The following ZBTB42 variants were observed in gnomAD, a reference collection of about 807,000 sequenced individuals.
ZBTB42 encodes zinc finger and BTB domain containing 42.
ZBTB42 carries 3 observed loss-of-function variants against 4.7 expected under a neutral mutation model. The ratio of observed to expected loss-of-function variants is 0.64; its 90% CI spans 0.29 to 1.66. The LOEUF is 1.66. Ranked by LOEUF, ZBTB42 falls within the 40% of genes most tolerant of loss-of-function variation. ZBTB42 has a pLI of 0.10. For missense variants in ZBTB42, 521 were observed against 577.1 expected (o/e 0.90, Z 1.00); for synonymous variants, 255 against 259.5 (o/e 0.98, Z 0.17).
In ZBTB42 at chr14:104,802,209, C is replaced by T; in HGVS notation, c.1012C>T (p.Leu338Phe). Reference protein sequence around the residue: ...SPDGVAPTCPLCGKTFSCTYT... With the variant: ...SPDGVAPTCPFCGKTFSCTYT... ...CGACGGCGTGGCACCCACCTGCCCGCTCTGTGGGAAGACCTTCTCGTGCAC... is the reference window on the plus strand; with the variant it reads ...CGACGGCGTGGCACCCACCTGCCCGTTCTGTGGGAAGACCTTCTCGTGCAC... Residue 338 changes from leucine (L) to phenylalanine (F), a missense_variant, in exon 1 of 1, where the codon CTC becomes TTC. Physicochemically the swap from Leu to Phe is conservative, Grantham distance 22. Transcript: ENST00000342537. This position sits in a 1 kb window ranked among gnomAD's most constrained non-coding sequence, Gnocchi z 5.9. 6.5e-7 allele frequency: 1 copy of T among 1,550,198 alleles called. No homozygotes were observed. The highest frequency in any genetic ancestry group is 8.7e-7 in the Non-Finnish European group (1 of 1,146,950).
upstream of ZBTB42, chr14:104,801,084 G>T (rs1228278523): frequency 7.5e-7 from 1 of 1,328,376 alleles, no homozygotes; most frequent in African/African-American, 1.6e-5. The surrounding 1 kb of genome is among the most constrained non-coding windows in gnomAD (Gnocchi z 4.4). Flanking sequence ...GGTTGCGCGC[G>T]TCACTCCCGC....
chr14:104,802,100 G>C lies in ZBTB42; in HGVS notation c.903G>C (p.Lys301Asn), dbSNP rs1555386239. 1 of 1,523,568 alleles carries C rather than the reference G, an allele frequency of 6.6e-7. No individual in the cohort carries two copies. Among genetic ancestry groups the C allele is most frequent in the Non-Finnish European group, 8.8e-7 (1 of 1,135,540 alleles). 94.4% of individuals were successfully genotyped at this position (1,523,568 alleles called of 1,614,324 possible). The change falls in exon 1 of 1, where the codon AAG (lysine) becomes AAC (asparagine). Residue 301 changes from lysine (K) to asparagine (N), a missense_variant. Lys to Asn is a moderately conservative substitution (Grantham distance 94, BLOSUM62 0). Coordinates refer to ENST00000342537, the MANE Select transcript of ZBTB42 (RefSeq NM_001137601.3). The surrounding 1 kb of genome is among the most constrained non-coding windows in gnomAD (Gnocchi z 5.9). The stretch of plus-strand genomic sequence containing the variant: ...TCTGCATCTGCCCGTTGTGCAGCAA[G>C]CTGTTTCCCAGCTCCCACGTGCTGC... ...GPLCICPLCSKLFPSSHVLQL... is the reference protein window; with the variant it reads ...GPLCICPLCSNLFPSSHVLQL...
rs1490949436 is a variant in ZBTB42 at position 104,804,173 on chromosome 14, G to GTGTGTA, written c.*1708_*1709insGTGTAT. 2 of 166,758 alleles carry GTGTGTA rather than the reference G, an allele frequency of 1.2e-5. No individual in the cohort carries two copies. The highest frequency in any genetic ancestry group is 2.1e-4 in the South Asian group (1 of 4,814). 10.3% of individuals were successfully genotyped at this position (166,758 alleles called of 1,614,324 possible). A position where few individuals can be genotyped will look rare whatever the true frequency, so the allele number is the denominator to read the frequency against. On this transcript the variant is annotated 3_prime_UTR_variant, in exon 1 of 1. Transcript: ENST00000342537. ...GGTGTGTGTGTGTGTGTGTGTGTGT[G>GTGTGTA]TATGTATGCATGCGTCTGGCACATG...
Position 104,801,347 on chromosome 14 carries a change from T to C in ZBTB42, c.150T>C (p.His50=). ...AVLAACSVYF[H]LFYRDRPAGS... Reference sequence around the variant, plus strand: ...TGGCCGCGTGCAGCGTCTACTTCCATCTCTTCTACAGGGACCGGCCCGCGG... The same window carrying C: ...TGGCCGCGTGCAGCGTCTACTTCCACCTCTTCTACAGGGACCGGCCCGCGG... Residue 50 remains histidine (H), a synonymous_variant, in exon 1 of 1, where the codon CAT becomes CAC. Coordinates refer to ENST00000342537, the MANE Select transcript of ZBTB42 (RefSeq NM_001137601.3). This position sits in a 1 kb window ranked among gnomAD's most constrained non-coding sequence, Gnocchi z 4.4. 6.5e-7 allele frequency: 1 copy of C among 1,548,414 alleles called. No homozygotes were observed. Among genetic ancestry groups the C allele is most frequent in the South Asian group, 1.2e-5 (1 of 83,900 alleles).
chr14:104,800,711 G>A (rs904284550), upstream of ZBTB42: 3 of 146,328 alleles, frequency 2.1e-5, no homozygotes, highest in Non-Finnish European at 4.6e-5. The surrounding 1 kb of genome is among the most constrained non-coding windows in gnomAD (Gnocchi z 5.3). Flanking sequence ...GTGAGCGCTG[G>A]GGGTGGGCTC....
chr14:104,801,804 C>T lies in ZBTB42; in HGVS notation c.607C>T (p.Pro203Ser), dbSNP rs1301645028. 1 of 1,549,830 alleles carries T rather than the reference C, an allele frequency of 6.5e-7. No homozygotes were observed. Among genetic ancestry groups the T allele is most frequent in the Non-Finnish European group, 8.7e-7 (1 of 1,146,774 alleles). ...KSGPRQERVH[P>S]PCVLQTPLCS... The stretch of plus-strand genomic sequence containing the variant: ...TGGCCCAAGGCAGGAGCGGGTCCAC[C>T]CACCGTGCGTCCTCCAGACACCCCT... The change falls in exon 1 of 1, where the codon CCA (proline) becomes TCA (serine). Residue 203 changes from proline to serine, a missense_variant. Transcript: ENST00000342537. The surrounding 1 kb of genome is among the most constrained non-coding windows in gnomAD (Gnocchi z 4.4).
At position 104,801,856 on chromosome 14, in the gene ZBTB42, A is replaced by C. The variant is rs1388654878; in HGVS notation, c.659A>C (p.Gln220Pro). Residue 220 changes from glutamine (Q) to proline (P), a missense_variant, in exon 1 of 1, where the codon CAG becomes CCG. Transcript: ENST00000342537. This position sits in a 1 kb window ranked among gnomAD's most constrained non-coding sequence, Gnocchi z 4.4. The stretch of plus-strand genomic sequence containing the variant: ...TGCAGCCAGAGGCAGCCAGGGGCCC[A>C]GCCACTGGTGAAGGACGAACGGGAC... The part of the protein sequence containing the change: ...PLCSQRQPGA[Q>P]PLVKDERDSL... 1.9e-6 allele frequency: 3 copies of C among 1,549,910 alleles called. No individual in the cohort carries two copies. In the Admixed American group the frequency reaches 5.9e-5, roughly 30 times the overall value.
At position 104,802,009 on chromosome 14, in the gene ZBTB42, G is replaced by T. The variant is rs948815032; in HGVS notation, c.812G>T (p.Ser271Ile). 6.0e-6 allele frequency: 9 copies of T among 1,496,012 alleles called. No homozygotes were observed. In the Middle Eastern group the frequency reaches 5.2e-4, roughly 86 times the overall value. The allele number at this position is 1,496,012 out of a possible 1,614,324, so 92.7% of individuals were successfully genotyped here. Reference sequence around the variant, plus strand: ...CCGCTGCCCCTCAGCGGAGAGGGCAGCCGGGAGCTGGAGCTTGGTGCAGGG... The same window carrying T: ...CCGCTGCCCCTCAGCGGAGAGGGCATCCGGGAGCTGGAGCTTGGTGCAGGG... ...LQPLPLSGEG[S>I]RELELGAGRL... Residue 271 changes from serine (S) to isoleucine (I), a missense_variant, in exon 1 of 1, where the codon AGC (serine) becomes ATC (isoleucine). Physicochemically the swap from Ser to Ile is moderately radical, Grantham distance 142. Transcript: ENST00000342537. The surrounding 1 kb of genome is among the most constrained non-coding windows in gnomAD (Gnocchi z 5.9).
rs1894128182 is a variant in ZBTB42 at position 104,804,543 on chromosome 14, C to G, written c.*2077C>G. 1 of 166,918 alleles carries G rather than the reference C, an allele frequency of 6.0e-6. No individual in the cohort carries two copies. The highest frequency in any genetic ancestry group is 1.5e-5 in the Non-Finnish European group (1 of 68,142). The allele number at this position is 166,918 out of a possible 1,614,324, so 10.3% of individuals were successfully genotyped here. On this transcript the variant is annotated 3_prime_UTR_variant, in exon 1 of 1. Transcript: ENST00000342537. ...AACAGCGTCAGCAGCGTGGGGGTCT[C>G]CTGGGCCAGCTCGGCACCTGTGGGT...
In ZBTB42 at chr14:104,804,108, T is replaced by G. The variant is rs1177330667; in HGVS notation, c.*1642T>G. 1 of 166,672 alleles carries G rather than the reference T, an allele frequency of 6.0e-6. No homozygotes were observed. Among genetic ancestry groups the G allele is most frequent in the African/African-American group, 2.4e-5 (1 of 41,390 alleles). 10.3% of individuals were successfully genotyped at this position (166,672 alleles called of 1,614,324 possible). A position where few individuals can be genotyped will look rare whatever the true frequency, so the allele number is the denominator to read the frequency against. On this transcript the variant is annotated 3_prime_UTR_variant, in exon 1 of 1. Transcript: ENST00000342537. ...TGTCCTGGGCCCCAGCCCCCACCTC[T>G]GCAAGGGATCGGTGTGATGTGCTCC...
rs978402521 is a variant in ZBTB42 at position 104,802,443 on chromosome 14, C to T, written c.1246C>T (p.Leu416Phe). 6.4e-7 allele frequency: 1 copy of T among 1,550,794 alleles called. No individual in the cohort carries two copies. Among genetic ancestry groups the T allele is most frequent in the South Asian group, 1.2e-5 (1 of 84,056 alleles). Residue 416 changes from leucine (L) to phenylalanine (F), a missense_variant, in exon 1 of 1, where the codon CTC becomes TTC. Coordinates refer to ENST00000342537, the MANE Select transcript of ZBTB42 (RefSeq NM_001137601.3). This position sits in a 1 kb window ranked among gnomAD's most constrained non-coding sequence, Gnocchi z 5.9. ...YRHVRKFHCG[L>F]VKSLLV Reference sequence around the variant, plus strand: ...CCACGTCCGCAAGTTTCACTGTGGCCTCGTCAAGTCCCTTCTGGTGTGATG... The same window carrying T: ...CCACGTCCGCAAGTTTCACTGTGGCTTCGTCAAGTCCCTTCTGGTGTGATG...
chr14:104,802,752 T>G lies in ZBTB42; in HGVS notation c.*286T>G. ...GCTGTGACACTATCTTCCTCTCCCGTCCCCTCCAGCCAAGTTCTGAGGGGT... is the reference window on the plus strand; with the variant it reads ...GCTGTGACACTATCTTCCTCTCCCGGCCCCTCCAGCCAAGTTCTGAGGGGT... On this transcript the variant is annotated 3_prime_UTR_variant, in exon 1 of 1. Coordinates refer to ENST00000342537, the MANE Select transcript of ZBTB42 (RefSeq NM_001137601.3). The surrounding 1 kb of genome is among the most constrained non-coding windows in gnomAD (Gnocchi z 5.9). 3 of 501,102 alleles carry G rather than the reference T, an allele frequency of 6.0e-6. No homozygotes were observed. Among genetic ancestry groups the G allele is most frequent in the Non-Finnish European group, 1.1e-5 (3 of 271,808 alleles). 31.0% of individuals were successfully genotyped at this position (501,102 alleles called of 1,614,324 possible).
At position 104,802,749 on chromosome 14, in the gene ZBTB42, C is replaced by A; in HGVS notation, c.*283C>A. On this transcript the variant is annotated 3_prime_UTR_variant, in exon 1 of 1. Transcript: ENST00000342537. The surrounding 1 kb of genome is among the most constrained non-coding windows in gnomAD (Gnocchi z 5.9). ...TAGGCTGTGACACTATCTTCCTCTC[C>A]CGTCCCCTCCAGCCAAGTTCTGAGG... The A allele has an allele frequency of 1.9e-6, 1 of 519,438 alleles. No individual in the cohort carries two copies. The allele number at this position is 519,438 out of a possible 1,614,324, so 32.2% of individuals were successfully genotyped here.
rs747536271 is a variant in ZBTB42 at position 104,802,874 on chromosome 14, T to C, written c.*408T>C. ...TTCCTGACCACCTCTCTGGCAGGCT[T>C]GGGGAGGTCTTCATGAGCCTGGCCC... On this transcript the variant is annotated 3_prime_UTR_variant, in exon 1 of 1. Coordinates refer to ENST00000342537, the MANE Select transcript of ZBTB42 (RefSeq NM_001137601.3). The surrounding 1 kb of genome is among the most constrained non-coding windows in gnomAD (Gnocchi z 5.9). The C allele has an allele frequency of 2.7e-5, 7 of 264,020 alleles. No individual in the cohort carries two copies. The highest frequency in any genetic ancestry group is 4.5e-5 in the African/African-American group (2 of 44,330). 16.4% of individuals were successfully genotyped at this position (264,020 alleles called of 1,614,324 possible).
chr14:104,801,208 C>T lies in ZBTB42; in HGVS notation c.11C>T (p.Pro4Leu), dbSNP rs1894034458. The change falls in exon 1 of 1, where the codon CCT becomes CTT. Residue 4 changes from proline (P) to leucine (L), a missense_variant. Pro to Leu is a moderately conservative substitution (Grantham distance 98). Coordinates refer to ENST00000342537, the MANE Select transcript of ZBTB42 (RefSeq NM_001137601.3). This position sits in a 1 kb window ranked among gnomAD's most constrained non-coding sequence, Gnocchi z 4.4. MEF[P>L]EHGGRLLGRL... ...GATGACGGCGGCGGCATGGAGTTCC[C>T]TGAGCACGGCGGACGGCTGCTGGGC... is the stretch of plus-strand genomic sequence containing the variant. 7.0e-7 allele frequency: 1 copy of T among 1,436,944 alleles called. No individual in the cohort carries two copies. Among genetic ancestry groups the T allele is most frequent in the African/African-American group, 1.5e-5 (1 of 68,436 alleles). The allele number at this position is 1,436,944 out of a possible 1,614,324, so 89.0% of individuals were successfully genotyped here.
At position 104,804,148 on chromosome 14, in the gene ZBTB42, G is replaced by GT. The variant is rs1555386426; in HGVS notation, c.*1682_*1683insT. 98,991 of 160,612 alleles carry GT rather than the reference G, an allele frequency of 0.62. 31,021 individuals are homozygous for GT. The highest frequency in any genetic ancestry group is 0.77 in the Non-Finnish European group (51,457 of 67,018). The allele number at this position is 160,612 out of a possible 1,614,324, so 9.9% of individuals were successfully genotyped here. A position where few individuals can be genotyped will look rare whatever the true frequency, so the allele number is the denominator to read the frequency against. On this transcript the variant is annotated 3_prime_UTR_variant, in exon 1 of 1. Coordinates refer to ENST00000342537, the MANE Select transcript of ZBTB42 (RefSeq NM_001137601.3). ...TGATGTGCTCCATAATCGGGTGGGGGGTGTGTGTGTGTGTGTGTGTGTGTG... is the reference window on the plus strand; with the variant it reads ...TGATGTGCTCCATAATCGGGTGGGGGTGTGTGTGTGTGTGTGTGTGTGTGTG...
In ZBTB42 at chr14:104,801,796, G is replaced by A. The variant is rs372287529; in HGVS notation, c.599G>A (p.Arg200Gln). 1.2e-5 allele frequency: 18 copies of A among 1,549,644 alleles called. No homozygotes were observed. Among genetic ancestry groups the A allele is most frequent in the East Asian group, 2.4e-5 (1 of 40,910 alleles). The change falls in exon 1 of 1, where the codon CGG becomes CAG. Residue 200 changes from arginine (R) to glutamine (Q), a missense_variant. Physicochemically the swap from Arg to Gln is conservative, Grantham distance 43 (BLOSUM62 1). Transcript: ENST00000342537. This position sits in a 1 kb window ranked among gnomAD's most constrained non-coding sequence, Gnocchi z 4.4. ...LSLKSGPRQE[R>Q]VHPPCVLQTP... ...TTGAAGTCTGGCCCAAGGCAGGAGC[G>A]GGTCCACCCACCGTGCGTCCTCCAG...
Position 104,804,695 on chromosome 14 carries a change from GC to G in ZBTB42, c.*2232del. ...TTCACATCATGGCGACAGTAATAAAGCCCACCTCCAGTGGAAACGGCAGTGA... is the reference window on the plus strand; with the variant it reads ...TTCACATCATGGCGACAGTAATAAAGCCACCTCCAGTGGAAACGGCAGTGA... On this transcript the variant is annotated 3_prime_UTR_variant, in exon 1 of 1. Transcript: ENST00000342537. 6.0e-6 allele frequency: 1 copy of G among 165,816 alleles called. No homozygotes were observed. The allele number at this position is 165,816 out of a possible 1,614,324, so 10.3% of individuals were successfully genotyped here. A position where few individuals can be genotyped will look rare whatever the true frequency, so the allele number is the denominator to read the frequency against.
chr14:104,800,897 G>GGCGGCCGCCCGGGAGTGA (rs1894024726), upstream of ZBTB42: 1 of 223,390 alleles, frequency 4.5e-6, no homozygotes, highest in Non-Finnish European at 8.7e-6. The surrounding 1 kb of genome is among the most constrained non-coding windows in gnomAD (Gnocchi z 5.3). Flanking sequence ...GCCGCGAGCG[G>GGCGGCCGCCCGGGAGTGA]GCGGCCGCCC....
Sources: allele counts gnomAD v4.1 joint callset, GRCh38; gene constraint gnomAD v4.1.1; non-coding constraint Gnocchi (gnomAD v3.1); transcripts MANE v1.5; gene names NCBI Gene and HGNC (gene_info 2026-07-23, HGNC 2026-07-21).